Variants in UNC119B observed in about 807,000 individuals in gnomAD.
UNC119B encodes the protein protein unc-119 homolog B.
A neutral mutation model predicts 23.4 loss-of-function variants in UNC119B; 16 were observed. That is an observed-to-expected ratio of 0.68 (90% CI 0.46 to 1.04). UNC119B has a LOEUF of 1.04. UNC119B is among the 50% of genes least tolerant of loss of function. The probability of loss-of-function intolerance (pLI) is 0.00; values close to 1 mark genes in which losing one functional copy is unlikely to be tolerated. For synonymous variants in UNC119B, 144 were observed against 145.4 expected (o/e 0.99, Z 0.07); for missense variants, 350 against 361.3 (o/e 0.97, Z 0.25).
Position 120,720,201 on chromosome 12 carries a change from G to GTTTTCTTCCCCAGTATT in UNC119B, c.*180_*196dup, listed in dbSNP as rs1555242077. 1.7e-6 allele frequency: 1 copy of GTTTTCTTCCCCAGTATT among 588,454 alleles called. No homozygotes were observed. The highest frequency in any genetic ancestry group is 3.0e-6 in the Non-Finnish European group (1 of 333,318). 36.5% of individuals were successfully genotyped at this position (588,454 alleles called of 1,614,324 possible). ...CAAAGGAGCTGCCAAACAGTGCTGT[G>GTTTTCTTCCCCAGTATT]TTTTCTTCCCCAGTATTTTTTCTTC... On this transcript the variant is annotated 3_prime_UTR_variant, in exon 5 of 5. Transcript: ENST00000344651.
chr12:120,721,863 T>A lies in UNC119B; in HGVS notation c.*1831T>A, dbSNP rs193181694. 1 of 152,814 alleles carries A rather than the reference T, an allele frequency of 6.5e-6. No homozygotes were observed. The highest frequency in any genetic ancestry group is 1.5e-5 in the Non-Finnish European group (1 of 68,070). 9.5% of individuals were successfully genotyped at this position (152,814 alleles called of 1,614,324 possible). ...AAGCTGCATTGCCATTGTTCCCACC[T>A]CCTCACTGGCAGAAAGATGCCAGGG... On this transcript the variant is annotated 3_prime_UTR_variant, in exon 5 of 5. Coordinates refer to ENST00000344651, the MANE Select transcript of UNC119B (RefSeq NM_001080533.3).
rs1882711403 is a variant in UNC119B at position 120,713,486 on chromosome 12, A to C, written c.358+99A>C. The C allele has an allele frequency of 3.4e-6, 3 of 881,486 alleles. No homozygotes were observed. The East Asian group carries it at 7.6e-5, about 22-fold the overall frequency. The allele number at this position is 881,486 out of a possible 1,614,324, so 54.6% of individuals were successfully genotyped here. A position where few individuals can be genotyped will look rare whatever the true frequency, so the allele number is the denominator to read the frequency against. Reference sequence around the variant, plus strand: ...CACTGCATCCTGTTTCTTGGACTCCAGTGTGTCCCACTTCTGTGACCTCTT... The same window carrying C: ...CACTGCATCCTGTTTCTTGGACTCCCGTGTGTCCCACTTCTGTGACCTCTT... On this transcript the variant is annotated intron_variant, in intron 2 of 4. Coordinates refer to ENST00000344651, the MANE Select transcript of UNC119B (RefSeq NM_001080533.3).
chr12:120,722,637 C>G lies in UNC119B; in HGVS notation c.*2605C>G, dbSNP rs965866187. On this transcript the variant is annotated 3_prime_UTR_variant, in exon 5 of 5. Transcript: ENST00000344651. ...CATTTCATCAGAGTAGCAGGCCCAC[C>G]TGGTGCCAGAGGGCCTGCCCCTCCT... is the stretch of plus-strand genomic sequence containing the variant. 6.6e-6 allele frequency: 1 copy of G among 152,258 alleles called. No homozygotes were observed. The highest frequency in any genetic ancestry group is 2.4e-5 in the African/African-American group (1 of 41,468). 9.4% of individuals were successfully genotyped at this position (152,258 alleles called of 1,614,324 possible).
Position 120,710,516 on chromosome 12 carries a change from G to C in UNC119B, c.42G>C (p.Ala14=). The change falls in exon 1 of 5, where the codon GCG becomes GCC. Residue 14 remains alanine, a synonymous_variant. Coordinates refer to ENST00000344651, the MANE Select transcript of UNC119B (RefSeq NM_001080533.3). ...CGAAGGCTGCGGCCGCGGCGTCGGC[G>C]GCTGGGCCCGGGGGGCTGGTGGCTG... ...SNPKAAAAAS[A]AGPGGLVAGK... 1 of 1,363,366 alleles carries C rather than the reference G, an allele frequency of 7.3e-7. No homozygotes were observed. Among genetic ancestry groups the C allele is most frequent in the Non-Finnish European group, 9.4e-7 (1 of 1,065,306 alleles). 84.5% of individuals were successfully genotyped at this position (1,363,366 alleles called of 1,614,324 possible).
chr12:120,718,590 G>T (rs181686766), intron 4 of UNC119B, among the ~76,000 whole-genome samples: 1 of 152,126 alleles, frequency 6.6e-6, no homozygotes, highest in Non-Finnish European at 1.5e-5. Context: ...GTGTAGCCTC[G>T]GCAAGGGAAG....
chr12:120,714,769 CA>C (rs11324940), intron 2 of UNC119B, among the ~76,000 whole-genome samples: 67,856 of 151,784 alleles, frequency 0.45, 15,672 homozygotes, highest in South Asian at 0.55. Flanking sequence ...GGATTAGACT[CA>C]AGAGTTGTCA....
At chr12:120,716,380 C>T (rs1592927696) in intron 2 of UNC119B, among the ~76,000 whole-genome samples, 1 of 152,220 alleles carries the variant, frequency 6.6e-6, no homozygotes, top group Non-Finnish European at 1.5e-5. Context: ...GGACATGTTA[C>T]CTGACTTCTC....
rs189684549 is a variant in UNC119B, at chr12:120,719,263, T to A, written c.644-657T>A. 2.6e-5 allele frequency among the ~76,000 whole-genome samples: 4 copies of A among 152,338 alleles called. No individual in the cohort carries two copies. The East Asian group carries it at 7.7e-4, about 29-fold the overall frequency. On this transcript the variant is annotated intron_variant, in intron 4 of 4. Transcript: ENST00000344651. ...CTCAAAACTGATCAGAGGTAGTGAC[T>A]GTTAATTATCTTTACTCTCCAGTAT... is the stretch of plus-strand genomic sequence containing the variant.
At position 120,710,579 on chromosome 12, in the gene UNC119B, G is replaced by A; in HGVS notation, c.105G>A (p.Leu35=). 7.0e-7 allele frequency: 1 copy of A among 1,418,532 alleles called. No homozygotes were observed. Among genetic ancestry groups the A allele is most frequent in the Non-Finnish European group, 9.2e-7 (1 of 1,092,042 alleles). The allele number at this position is 1,418,532 out of a possible 1,614,324, so 87.9% of individuals were successfully genotyped here. A position where few individuals can be genotyped will look rare whatever the true frequency, so the allele number is the denominator to read the frequency against. The change falls in exon 1 of 5, where the codon CTG becomes CTA. Residue 35 remains leucine (L), a synonymous_variant. Coordinates refer to ENST00000344651, the MANE Select transcript of UNC119B (RefSeq NM_001080533.3). ...EEKKKAGGGV[L]NRLKARRQAP... is the part of the protein sequence containing the mutation. Reference sequence around the variant, plus strand: ...AGAAGAAGGCGGGCGGCGGCGTCCTGAACCGCCTGAAGGCGCGGCGGCAGG... The same window carrying A: ...AGAAGAAGGCGGGCGGCGGCGTCCTAAACCGCCTGAAGGCGCGGCGGCAGG...
intron 4 of UNC119B, among the ~76,000 whole-genome samples, chr12:120,719,456 T>A (rs1882844866): frequency 6.6e-6 from 1 of 152,164 alleles, no homozygotes. Context: ...TTCCTTGGGT[T>A]GTCAGGGTTG....
chr12:120,713,989 A>T (rs570079195), intron 2 of UNC119B, among the ~76,000 whole-genome samples: 1 of 152,318 alleles, frequency 6.6e-6, no homozygotes, highest in South Asian at 2.1e-4. Flanking sequence ...TCCTTAAATT[A>T]GCCTCCCATA....
chr12:120,721,383 C>T lies in UNC119B; in HGVS notation c.*1351C>T, dbSNP rs577435214. On this transcript the variant is annotated 3_prime_UTR_variant, in exon 5 of 5. Transcript: ENST00000344651. Reference sequence around the variant, plus strand: ...ATTGATGTGGCCAGGGTCCAGTTAGCATCAGTAGAAGGATGTCACTAGGAA... The same window carrying T: ...ATTGATGTGGCCAGGGTCCAGTTAGTATCAGTAGAAGGATGTCACTAGGAA... The T allele has an allele frequency of 1.3e-5, 2 of 152,374 alleles. No homozygotes were observed. Among genetic ancestry groups the T allele is most frequent in the African/African-American group, 4.8e-5 (2 of 41,562 alleles). 9.4% of individuals were successfully genotyped at this position (152,374 alleles called of 1,614,324 possible).
At chr12:120,710,837 G>C (rs1882648362) in intron 1 of UNC119B, 119 bp downstream of exon 1, 2 of 1,047,422 alleles carry the variant, frequency 1.9e-6, no homozygotes, top group Non-Finnish European at 2.4e-6. Context: ...GGCCGGCCGG[G>C]CCGCGCTTCC....
In UNC119B at chr12:120,720,133, T is replaced by A; in HGVS notation, c.*101T>A. ...AGTTTGTCAACACACATCTGGAACC[T>A]GGCCCCAGGAAGCCAAGGCTGGGGT... On this transcript the variant is annotated 3_prime_UTR_variant, in exon 5 of 5. Coordinates refer to ENST00000344651, the MANE Select transcript of UNC119B (RefSeq NM_001080533.3). The A allele has an allele frequency of 1.1e-6, 1 of 900,152 alleles. No homozygotes were observed. Among genetic ancestry groups the A allele is most frequent in the Non-Finnish European group, 1.7e-6 (1 of 580,972 alleles). The allele number at this position is 900,152 out of a possible 1,614,324, so 55.8% of individuals were successfully genotyped here. A position where few individuals can be genotyped will look rare whatever the true frequency, so the allele number is the denominator to read the frequency against.
At chr12:120,713,010 A>G (rs1408106403) in intron 1 of UNC119B, among the ~76,000 whole-genome samples, 1 of 152,244 alleles carries the variant, frequency 6.6e-6, no homozygotes, top group Non-Finnish European at 1.5e-5. Context: ...TGTGTTTCCA[A>G]AGAAATCCAC....
At chr12:120,711,104 A>G (rs1882656983) in intron 1 of UNC119B, 1 of 161,504 alleles carries the variant, frequency 6.2e-6, no homozygotes, top group African/African-American at 2.4e-5. Context: ...CCCGGCCATC[A>G]GTGAAGTTCC....
chr12:120,716,909 C>A lies in UNC119B; in HGVS notation c.510C>A (p.Phe170Leu). ...FTVGDKPVSNFRMIERHYFRE... is the reference protein window; with the variant it reads ...FTVGDKPVSNLRMIERHYFRE... The stretch of plus-strand genomic sequence containing the variant: ...TGGGAGACAAACCTGTTTCAAACTT[C>A]CGGATGATCGAACGGCACTATTTCC... The change falls in exon 4 of 5, where the codon TTC becomes TTA. Residue 170 changes from phenylalanine to leucine, a missense_variant. By Grantham distance (22) the Phe-to-Leu change is conservative. Transcript: ENST00000344651. 6.2e-7 allele frequency: 1 copy of A among 1,613,244 alleles called. No homozygotes were observed. The highest frequency in any genetic ancestry group is 8.5e-7 in the Non-Finnish European group (1 of 1,179,536).
chr12:120,710,982 C>A, intron 1 of UNC119B: 1 of 300,622 alleles, frequency 3.3e-6, no homozygotes, highest in Non-Finnish European at 6.1e-6. Context: ...CTCCCCAGCT[C>A]TGCCGGACCT....
At position 120,722,350 on chromosome 12, in the gene UNC119B, G is replaced by A. The variant is rs932685293; in HGVS notation, c.*2318G>A. On this transcript the variant is annotated 3_prime_UTR_variant, in exon 5 of 5. Coordinates refer to ENST00000344651, the MANE Select transcript of UNC119B (RefSeq NM_001080533.3). ...TCTGTATCTGGGGCTGTGGGTTCCT[G>A]TGTCTAGCTGCTCAGGAAATCTTGA... 6.6e-6 allele frequency: 1 copy of A among 152,438 alleles called. No homozygotes were observed. The highest frequency in any genetic ancestry group is 1.5e-5 in the Non-Finnish European group (1 of 68,200). 9.4% of individuals were successfully genotyped at this position (152,438 alleles called of 1,614,324 possible).
Sources: allele counts gnomAD v4.1 joint callset (sites outside exome capture counted in the v4.1 genomes callset), GRCh38; gene constraint gnomAD v4.1.1; transcripts MANE v1.5; gene names NCBI Gene and HGNC (gene_info 2026-07-23, HGNC 2026-07-21).